Variants in NCKAP5 observed in about 807,000 individuals in gnomAD.
The protein encoded by NCKAP5 is nck-associated protein 5.
Under a neutral mutation model 167.0 loss-of-function variants are expected in NCKAP5, and 92 were observed. That is an observed-to-expected ratio of 0.55 (90% CI 0.47 to 0.66). The LOEUF is 0.66. Ranked by LOEUF, NCKAP5 falls within the 30% of genes least tolerant of loss-of-function variation. The pLI is 0.00. For missense variants in NCKAP5, 2,378 were observed against 2,315.0 expected, an observed-to-expected ratio of 1.03 and a Z score of -0.56; for synonymous variants, 891 against 877.4, an observed-to-expected ratio of 1.02 and a Z score of -0.27.
At chr2:133,179,938 TAA>T (rs370070797) in intron 5 of NCKAP5, among the ~76,000 whole-genome samples, 4 of 148,230 alleles carry the variant, frequency 2.7e-5, no homozygotes, top group African/African-American at 9.9e-5. Context: ...AAAGAATAGA[TAA>T]AAAAAAAATC....
At chr2:132,730,330 C>A (rs541084237) in intron 17 of NCKAP5, among the ~76,000 whole-genome samples, 1 of 152,196 alleles carries the variant, frequency 6.6e-6, no homozygotes, top group East Asian at 1.9e-4. Context: ...CCCATCTCTA[C>A]TAAAAATACA....
chr2:132,776,498 C>A (rs915329698), intron 15 of NCKAP5, among the ~76,000 whole-genome samples: 2 of 152,158 alleles, frequency 1.3e-5, no homozygotes, highest in African/African-American at 4.8e-5. Flanking sequence ...AGATGGTGAA[C>A]AAGCCCCCTG....
At chr2:132,768,768 T>C (rs1439807772) in intron 16 of NCKAP5, among the ~76,000 whole-genome samples, 1 of 149,666 alleles carries the variant, frequency 6.7e-6, no homozygotes, top group Non-Finnish European at 1.5e-5. Context: ...GCCTCCCGAG[T>C]AGCTGGGACT....
intron 6 of NCKAP5, among the ~76,000 whole-genome samples, chr2:133,046,826 A>G (rs2079417730): frequency 6.6e-6 from 1 of 152,230 alleles, no homozygotes; most frequent in South Asian, 2.1e-4. Context: ...GGAAAAGATT[A>G]GCATAAGGGT....
At chr2:133,432,064 C>T (rs1373367473) in intron 3 of NCKAP5, among the ~76,000 whole-genome samples, 1 of 152,170 alleles carries the variant, frequency 6.6e-6, no homozygotes, top group Non-Finnish European at 1.5e-5. Flanking sequence ...CATTCCTTAA[C>T]CTTTGCTTCA....
chr2:132,777,926 G>A (rs1402951936), intron 15 of NCKAP5, among the ~76,000 whole-genome samples: 2 of 151,784 alleles, frequency 1.3e-5, no homozygotes, highest in African/African-American at 4.8e-5. Context: ...ATACTAAAAT[G>A]GTCATATTAA....
Position 132,713,152 on chromosome 2 carries a change from A to AAC in NCKAP5, c.5713+12474_5713+12475insGT, listed in dbSNP as rs200954094. Reference sequence around the variant, plus strand: ...TCAATGAAAGACTGGAAAGATGAACAAAAAAAAAAATCAATAAAAATGGTT... The same window carrying AAC: ...TCAATGAAAGACTGGAAAGATGAACAACAAAAAAAAAATCAATAAAAATGGTT... On this transcript the variant is annotated intron_variant, in intron 19 of 19. Coordinates refer to ENST00000409261, the MANE Select transcript of NCKAP5 (RefSeq NM_207363.3). Among the ~76,000 whole-genome samples the AAC allele has an allele frequency of 4.1e-3, 461 of 111,742 alleles. 1 individual carries two copies. The highest frequency in any genetic ancestry group is 0.016 in the African/African-American group (436 of 26,750). The allele number at this position is 111,742 out of a possible 152,430, so 73.3% of individuals were successfully genotyped here. A position where few individuals can be genotyped will look rare whatever the true frequency, so the allele number is the denominator to read the frequency against.
At chr2:133,055,976 A>C (rs774917262) in intron 6 of NCKAP5, among the ~76,000 whole-genome samples, 19 of 152,186 alleles carry the variant, frequency 1.2e-4, no homozygotes, top group Non-Finnish European at 2.5e-4. Flanking sequence ...AGAGTTATTA[A>C]AAGAATATTA....
chr2:133,369,149 T>C (rs1450082048), intron 3 of NCKAP5, among the ~76,000 whole-genome samples: 2 of 152,190 alleles, frequency 1.3e-5, no homozygotes, highest in East Asian at 1.9e-4. Flanking sequence ...ATAGGAGCCA[T>C]GGACAGCTTT....
At chr2:133,468,926 C>G (rs529636411) in intron 3 of NCKAP5, among the ~76,000 whole-genome samples, 8 of 152,240 alleles carry the variant, frequency 5.3e-5, no homozygotes, top group African/African-American at 1.9e-4. Context: ...GATGGGTTTC[C>G]TGAATACAGC....
At chr2:133,592,146 G>A in the NCKAP5 span, among the ~76,000 whole-genome samples, 1 of 152,068 alleles carries the variant, frequency 6.6e-6, no homozygotes, top group Non-Finnish European at 1.5e-5. Context: ...CATACTATCT[G>A]CGTAGAATTC....
At position 133,492,144 on chromosome 2, in the gene NCKAP5, A is replaced by AGTGTGTGTGTGTGTGTGTGT. The variant is rs371797170; in HGVS notation, c.69+25294_69+25313dup. ...CCTGTATCCTATGCCATATCTAGTT[A>AGTGTGTGTGTGTGTGTGTGT]GTGTGTGTGTGTGTGTGTGTGTGTG... On this transcript the variant is annotated intron_variant, in intron 3 of 19. Transcript: ENST00000409261. Among the ~76,000 whole-genome samples the AGTGTGTGTGTGTGTGTGTGT allele has an allele frequency of 4.9e-3, 697 of 141,644 alleles. 6 individuals are homozygous for AGTGTGTGTGTGTGTGTGTGT. Among genetic ancestry groups the AGTGTGTGTGTGTGTGTGTGT allele is most frequent in the African/African-American group, 0.01 (387 of 36,924 alleles). 92.9% of individuals were successfully genotyped at this position (141,644 alleles called of 152,430 possible). A position where few individuals can be genotyped will look rare whatever the true frequency, so the allele number is the denominator to read the frequency against.
chr2:133,417,208 T>C (rs566685010), intron 3 of NCKAP5, among the ~76,000 whole-genome samples: 1 of 152,236 alleles, frequency 6.6e-6, no homozygotes, highest in South Asian at 2.1e-4. Flanking sequence ...CATTTGGCTA[T>C]TTTTGATTAT....
intron 6 of NCKAP5, among the ~76,000 whole-genome samples, chr2:133,059,576 G>C (rs1375502695): frequency 6.6e-6 from 1 of 151,888 alleles, no homozygotes; most frequent in Non-Finnish European, 1.5e-5. Context: ...AGGAGGCTTT[G>C]GTGAGAGGAT....
Position 132,794,182 on chromosome 2 carries a change from C to A in NCKAP5, c.909+2446G>T, listed in dbSNP as rs1436216356. Among the ~76,000 whole-genome samples, 4 of 133,458 alleles carry A rather than the reference C, an allele frequency of 3.0e-5. No individual in the cohort carries two copies. In the East Asian group the frequency reaches 9.5e-4, roughly 32 times the overall value. The allele number at this position is 133,458 out of a possible 152,430, so 87.6% of individuals were successfully genotyped here. On this transcript the variant is annotated intron_variant, in intron 12 of 19. Transcript: ENST00000409261. ...CCTGACAAACGCTGGTGCTTAGGGACTTTTACCTGGGTGTTGCTACTATTA... is the reference window on the plus strand; with the variant it reads ...CCTGACAAACGCTGGTGCTTAGGGAATTTTACCTGGGTGTTGCTACTATTA...
intron 11 of NCKAP5, among the ~76,000 whole-genome samples, chr2:132,859,054 A>C (rs926443554): frequency 2.6e-5 from 4 of 152,202 alleles, no homozygotes; most frequent in Non-Finnish European, 5.9e-5. Flanking sequence ...TAAATGCAAG[A>C]TCCCCTATGA....
intron 8 of NCKAP5, among the ~76,000 whole-genome samples, chr2:132,909,939 A>G (rs1052771328): frequency 1.3e-5 from 2 of 152,334 alleles, no homozygotes; most frequent in South Asian, 4.1e-4. Flanking sequence ...TTTAATATTC[A>G]CAGTAAACCT....
At chr2:133,273,694 T>C (rs2089608660) in intron 4 of NCKAP5, among the ~76,000 whole-genome samples, 1 of 151,892 alleles carries the variant, frequency 6.6e-6, no homozygotes, top group Non-Finnish European at 1.5e-5. Flanking sequence ...TGTGGAAAAT[T>C]ATAACAGTAG....
At chr2:133,061,686 C>T (rs931076493) in intron 6 of NCKAP5, among the ~76,000 whole-genome samples, 5 of 152,266 alleles carry the variant, frequency 3.3e-5, no homozygotes, top group African/African-American at 2.4e-5. Flanking sequence ...CCTCCTCTTT[C>T]GATTTGTTGG....
Sources: gnomAD v4.1 joint callset for allele counts (sites outside exome capture counted in the v4.1 genomes callset) on GRCh38, gnomAD v4.1.1 for gene constraint, MANE v1.5 for transcripts, NCBI Gene and HGNC (gene_info 2026-07-23, HGNC 2026-07-21) for gene names.